IFITM10: variants seen among roughly 807,000 people sequenced by gnomAD.
The protein encoded by IFITM10 is interferon-induced transmembrane protein 10.
IFITM10 carries 17 observed loss-of-function variants against 19.0 expected under a neutral mutation model. That is an observed-to-expected ratio of 0.90 (90% CI 0.61 to 1.34). The LOEUF (loss-of-function observed/expected upper bound fraction) is 1.34. IFITM10 is among the 40% of genes most tolerant of loss of function. IFITM10 has a pLI of 0.00. For synonymous variants in IFITM10, 148 were observed against 147.2 expected (o/e 1.01, Z -0.04); for missense variants, 306 against 319.8 (o/e 0.96, Z 0.33).
At chr11:1,748,259 C>A in intron 1 of IFITM10, 140 bp from the exon 2 acceptor site, 2 of 606,100 alleles carry the variant, frequency 3.3e-6, no homozygotes, top group Non-Finnish European at 4.9e-6. Context: ...CCACCTGCCT[C>A]CCCCACCCGC....
intron 1 of IFITM10, among the ~76,000 whole-genome samples, chr11:1,749,864 C>A (rs565538706): frequency 6.6e-6 from 1 of 152,164 alleles, no homozygotes; most frequent in Non-Finnish European, 1.5e-5. Context: ...GCTCCTGCCC[C>A]CTTTCCTGGA....
intron 2 of IFITM10, 21 bp from the exon 3 acceptor site, chr11:1,735,450 G>C (rs755973363): frequency 6.5e-7 from 1 of 1,549,302 alleles, no homozygotes; most frequent in South Asian, 1.2e-5. Flanking sequence ...GAGGAGGACA[G>C]GAAATGGGCA....
chr11:1,746,719 C>T, intron 2 of IFITM10: 2 of 398,902 alleles, frequency 5.0e-6, no homozygotes, highest in Non-Finnish European at 8.8e-6. Context: ...TCTTCTCTCC[C>T]TGCATCCCCT....
intron 2 of IFITM10, among the ~76,000 whole-genome samples, chr11:1,741,093 T>G (rs1845565828): frequency 6.6e-6 from 1 of 151,966 alleles, no homozygotes; most frequent in Non-Finnish European, 1.5e-5. Context: ...ATGAGCCAAT[T>G]AAACCTCTTT....
At chr11:1,741,219 T>C (rs1171969273) in intron 2 of IFITM10, among the ~76,000 whole-genome samples, 1 of 151,184 alleles carries the variant, frequency 6.6e-6, no homozygotes, top group East Asian at 1.9e-4. Context: ...AAGGAGAGGA[T>C]GGAGAGCTGA....
intron 2 of IFITM10, among the ~76,000 whole-genome samples, chr11:1,739,428 C>T (rs1851121890): frequency 1.3e-5 from 2 of 152,188 alleles, no homozygotes; most frequent in South Asian, 4.1e-4. Flanking sequence ...TACTTAGTGT[C>T]TGCTCTGAGT....
rs146076277 is a variant in IFITM10 at position 1,744,175 on chromosome 11, C to T, written c.537+3492G>A. ...TTCTGAAACACTGTGGTGCTTCTTC[C>T]GTCTCACCATGTGTCCTCTGTCCAC... On this transcript the variant is annotated intron_variant, in intron 2 of 2. Coordinates refer to ENST00000340134, the MANE Select transcript of IFITM10 (RefSeq NM_001170820.4). Among the ~76,000 whole-genome samples, 333 of 152,288 alleles carry T rather than the reference C, an allele frequency of 2.2e-3. 1 individual carries two copies. The highest frequency in any genetic ancestry group is 3.2e-3 in the Non-Finnish European group (220 of 68,026).
chr11:1,743,318 G>A (rs1845593296), intron 2 of IFITM10, among the ~76,000 whole-genome samples: 1 of 149,540 alleles, frequency 6.7e-6, no homozygotes, highest in Non-Finnish European at 1.5e-5. Flanking sequence ...GATGAAGAAT[G>A]GACAAACGGA....
At chr11:1,746,008 AGACAG>A (rs1229126369) in intron 2 of IFITM10, 1 of 150,914 alleles carries the variant, frequency 6.6e-6, no homozygotes, top group African/African-American at 2.5e-5. Flanking sequence ...AGGTACATAC[AGACAG>A]TACACAGGCA....
chr11:1,742,284 C>T (rs1464032035), intron 2 of IFITM10, among the ~76,000 whole-genome samples: 2 of 151,128 alleles, frequency 1.3e-5, no homozygotes, highest in Non-Finnish European at 2.9e-5. Flanking sequence ...AGCACGTAGG[C>T]GGATGGTAGA....
rs1845672231 is a variant in IFITM10 at position 1,748,103 on chromosome 11, T to C, written c.101A>G (p.Gln34Arg). 4 of 1,390,970 alleles carry C rather than the reference T, an allele frequency of 2.9e-6. No homozygotes were observed. The African/African-American group carries it at 4.5e-5, about 16-fold the overall frequency. The allele number at this position is 1,390,970 out of a possible 1,614,324, so 86.2% of individuals were successfully genotyped here. Reference protein sequence around the residue: ...QWELEAQGPGQCPAPLGDPAS... With the variant: ...QWELEAQGPGRCPAPLGDPAS... ...CGGGTCTCCCAGCGGGGCTGGGCAC[T>C]GGCCGGGGCCCTGGGCCTGGAGAGG... Residue 34 changes from glutamine to arginine, a missense_variant, in exon 2 of 3, where the codon CAG becomes CGG. Gln to Arg is a conservative substitution (Grantham distance 43). Transcript: ENST00000340134.
At chr11:1,748,252 C>T (rs1845673842) in intron 1 of IFITM10, 133 bp from the exon 2 acceptor site, 2 of 667,650 alleles carry the variant, frequency 3.0e-6, no homozygotes, top group South Asian at 1.2e-4. Context: ...CAGCCTGCCA[C>T]CTGCCTCCCC....
At chr11:1,743,912 G>A (rs1015996115) in intron 2 of IFITM10, among the ~76,000 whole-genome samples, 3 of 152,002 alleles carry the variant, frequency 2.0e-5, no homozygotes, top group African/African-American at 7.3e-5. Context: ...CCCCTCACGA[G>A]GTTTTCAAAC....
intron 2 of IFITM10, among the ~76,000 whole-genome samples, chr11:1,743,528 ATGAT>A (rs1845597893): frequency 6.6e-6 from 1 of 151,882 alleles, no homozygotes; most frequent in African/African-American, 2.4e-5. Flanking sequence ...AGATGGATGA[ATGAT>A]AGATGGATGG....
chr11:1,741,885 G>A (rs895517197), intron 2 of IFITM10, among the ~76,000 whole-genome samples: 1 of 152,172 alleles, frequency 6.6e-6, no homozygotes, highest in Admixed American at 6.5e-5. Flanking sequence ...TATAAAAGGG[G>A]CCCCAGGGAG....
chr11:1,737,432 C>T (rs1258557402), intron 2 of IFITM10, among the ~76,000 whole-genome samples: 1 of 152,236 alleles, frequency 6.6e-6, no homozygotes, highest in Non-Finnish European at 1.5e-5. Flanking sequence ...GAAACACTGA[C>T]TGGATTTCAA....
Position 1,734,095 on chromosome 11 carries a change from A to G in IFITM10, c.*1185T>C, listed in dbSNP as rs1851056995. ...AGCGCGAAGCTCCACACCCATGGCC[A>G]CTGCCTCGGCTTCTTCTCCATCTTC... is the stretch of plus-strand genomic sequence containing the variant. On this transcript the variant is annotated 3_prime_UTR_variant, in exon 3 of 3. Transcript: ENST00000340134. 6.6e-6 allele frequency: 1 copy of G among 152,476 alleles called. No individual in the cohort carries two copies. The highest frequency in any genetic ancestry group is 1.5e-5 in the Non-Finnish European group (1 of 68,244). The allele number at this position is 152,476 out of a possible 1,614,324, so 9.4% of individuals were successfully genotyped here.
At chr11:1,739,789 T>G (rs1851126356) in intron 2 of IFITM10, among the ~76,000 whole-genome samples, 1 of 152,050 alleles carries the variant, frequency 6.6e-6, no homozygotes, top group Non-Finnish European at 1.5e-5. Context: ...AGGCATGTCC[T>G]GGGAGCATAG....
rs558663027 is a variant in IFITM10, at chr11:1,734,843, G to C, written c.*437C>G. On this transcript the variant is annotated 3_prime_UTR_variant, in exon 3 of 3. Coordinates refer to ENST00000340134, the MANE Select transcript of IFITM10 (RefSeq NM_001170820.4). ...TCATTGAAAGTTCACAGACACAAGG[G>C]CTCTGAGCGGGGTCACATCGTGGAG... The C allele has an allele frequency of 5.9e-6, 1 of 169,204 alleles. No homozygotes were observed. The highest frequency in any genetic ancestry group is 2.4e-5 in the African/African-American group (1 of 42,116). The allele number at this position is 169,204 out of a possible 1,614,324, so 10.5% of individuals were successfully genotyped here. A position where few individuals can be genotyped will look rare whatever the true frequency, so the allele number is the denominator to read the frequency against.
Sources: allele counts gnomAD v4.1 joint callset (sites outside exome capture counted in the v4.1 genomes callset), GRCh38; gene constraint gnomAD v4.1.1; transcripts MANE v1.5; gene names NCBI Gene and HGNC (gene_info 2026-07-23, HGNC 2026-07-21).